The following PUDP variants were observed in gnomAD, a reference collection of about 807,000 sequenced individuals.
The protein encoded by PUDP is pseudouridine-5'-phosphatase.
PUDP carries 8 observed loss-of-function variants against 9.4 expected under a neutral mutation model. The ratio of observed to expected loss-of-function variants is 0.85; its 90% CI spans 0.50 to 1.53. PUDP has a LOEUF of 1.53. Ranked by LOEUF, PUDP falls within the 40% of genes most tolerant of loss-of-function variation. The pLI, the probability that PUDP is intolerant of heterozygous loss-of-function variation, is 0.00. For synonymous variants in PUDP, 99 were observed against 80.7 expected (o/e 1.23, Z -1.22); for missense variants, 188 against 189.7 (o/e 0.99, Z 0.05).
intron 3 of PUDP, among the ~76,000 whole-genome samples, chrX:6,855,648 A>G (rs1349985021): frequency 8.9e-6 from 1 of 112,063 alleles, no homozygotes; most frequent in Non-Finnish European, 1.9e-5. Flanking sequence ...TCGGGGGAAC[A>G]ATTGTTTTGA....
chrX:6,728,856 G>A (rs943855688), intron 3 of PUDP, among the ~76,000 whole-genome samples: 15 of 111,192 alleles, frequency 1.3e-4, no homozygotes, highest in African/African-American at 4.6e-4. Flanking sequence ...AGGATACCAC[G>A]CTGCAGTGAG....
chrX:7,041,085 G>A (rs1330282978), intron 1 of PUDP, among the ~76,000 whole-genome samples: 1 of 112,134 alleles, frequency 8.9e-6, no homozygotes, highest in African/African-American at 3.2e-5. Flanking sequence ...CAGGCGATGA[G>A]CAGAGTCATG....
chrX:6,817,804 C>T (rs1238422031), intron 3 of PUDP, among the ~76,000 whole-genome samples: 1 of 111,913 alleles, frequency 8.9e-6, no homozygotes, highest in African/African-American at 3.2e-5. Flanking sequence ...TGGACTTAGA[C>T]ATTTAGCCAT....
intron 3 of PUDP, among the ~76,000 whole-genome samples, chrX:6,851,074 T>C (rs1375752456): frequency 2.7e-5 from 3 of 112,007 alleles, no homozygotes; most frequent in Non-Finnish European, 3.8e-5. Context: ...TGAAATCTCT[T>C]CCCCTGGAAA....
At chrX:6,995,143 A>G (rs1929233819) in intron 1 of PUDP, among the ~76,000 whole-genome samples, 1 of 111,186 alleles carries the variant, frequency 9.0e-6, no homozygotes, top group Non-Finnish European at 1.9e-5. Flanking sequence ...TAAAGAAGTC[A>G]TTTATTTACA....
At chrX:7,048,144 T>C (rs1307987282), downstream of PUDP, among the ~76,000 whole-genome samples, 1 of 112,248 alleles carries the variant, frequency 8.9e-6, no homozygotes, top group Non-Finnish European at 1.9e-5. Context: ...GTATGTTTCA[T>C]TTAAGTGAAA....
chrX:7,032,039 A>C (rs1328492484), intron 1 of PUDP, among the ~76,000 whole-genome samples: 2 of 112,482 alleles, frequency 1.8e-5, no homozygotes, highest in Non-Finnish European at 3.8e-5. Flanking sequence ...ATAAAAAGAC[A>C]AAAATAAAAC....
chrX:6,727,286 A>G (rs1464820574), intron 3 of PUDP, among the ~76,000 whole-genome samples: 1 of 112,004 alleles, frequency 8.9e-6, no homozygotes, highest in Non-Finnish European at 1.9e-5. Context: ...TAAATGGGCT[A>G]TAATTATATA....
intron 3 of PUDP, among the ~76,000 whole-genome samples, chrX:6,965,475 T>C (rs1376870366): frequency 1.8e-5 from 2 of 112,644 alleles, no homozygotes; most frequent in Non-Finnish European, 3.7e-5. Context: ...CAGCCTTTCC[T>C]TGCATTGATT....
intron 3 of PUDP, among the ~76,000 whole-genome samples, chrX:6,807,260 G>A (rs1438693240): frequency 1.8e-5 from 2 of 111,977 alleles, no homozygotes; most frequent in African/African-American, 6.5e-5. Flanking sequence ...TGCACAGGTG[G>A]AGTAATCCGA....
chrX:6,848,078 C>A (rs7888882), intron 3 of PUDP, among the ~76,000 whole-genome samples: 3,083 of 111,773 alleles, frequency 0.028, 115 homozygotes, highest in African/African-American at 0.093. Context: ...GAAATTTACA[C>A]CAAGGGATCC....
intron 3 of PUDP, among the ~76,000 whole-genome samples, chrX:6,749,732 C>T (rs1925042880): frequency 9.0e-6 from 1 of 111,630 alleles, no homozygotes; most frequent in Non-Finnish European, 1.9e-5. Context: ...TCATTTTTCC[C>T]AACAAGCCAC....
chrX:6,816,775 CATACAGTATATACT>C (rs1371644763), intron 3 of PUDP, among the ~76,000 whole-genome samples: 2 of 91,109 alleles, frequency 2.2e-5, no homozygotes, highest in African/African-American at 8.2e-5. Flanking sequence ...TATATATACA[CATACAGTATATACT>C]ATATAGTATA....
intron 3 of PUDP, among the ~76,000 whole-genome samples, chrX:6,966,517 T>C (rs1928787010): frequency 9.2e-6 from 1 of 108,931 alleles, no homozygotes; most frequent in South Asian, 4.0e-4. Context: ...AAGTTGTGTT[T>C]GAGTCCTTTA....
chrX:6,831,549 A>G (rs1374734953), intron 3 of PUDP, among the ~76,000 whole-genome samples: 1 of 112,167 alleles, frequency 8.9e-6, no homozygotes, highest in Non-Finnish European at 1.9e-5. Context: ...TCTCAGTTAT[A>G]ATTTTTGCAA....
chrX:6,716,680 T>G (rs1924604353), intron 1 of PUDP, among the ~76,000 whole-genome samples: 1 of 110,366 alleles, frequency 9.1e-6, no homozygotes, highest in Admixed American at 9.7e-5. Context: ...TTGCCCAGGC[T>G]GGAGTGCAGT....
At chrX:6,806,483 C>T (rs1310661154) in intron 3 of PUDP, among the ~76,000 whole-genome samples, 2 of 111,388 alleles carry the variant, frequency 1.8e-5, no homozygotes, top group African/African-American at 6.5e-5. Flanking sequence ...ATCAACACAT[C>T]TGGCTAATTT....
chrX:6,751,225 A>G (rs903403754), intron 3 of PUDP, among the ~76,000 whole-genome samples: 1 of 111,880 alleles, frequency 8.9e-6, no homozygotes, highest in Non-Finnish European at 1.9e-5. Context: ...CAACTGTGTC[A>G]TGATGGTTGC....
At chrX:7,036,163 C>T (rs957823505) in intron 1 of PUDP, among the ~76,000 whole-genome samples, 4 of 111,931 alleles carry the variant, frequency 3.6e-5, no homozygotes, top group African/African-American at 1.3e-4. Flanking sequence ...ATTATCCAGC[C>T]TCAGGTATTC....
Sources: gnomAD v4.1 joint callset for allele counts (sites outside exome capture counted in the v4.1 genomes callset) on GRCh38, gnomAD v4.1.1 for gene constraint, MANE v1.5 for transcripts, NCBI Gene and HGNC (gene_info 2026-07-23, HGNC 2026-07-21) for gene names.